Variants in SOX5 observed in about 807,000 individuals in gnomAD.
SOX5 encodes SRY-box transcription factor 5, also known as transcription factor SOX-5.
In SOX5, 9 loss-of-function variants were observed where a neutral mutation model predicts 92.0. The ratio of observed to expected loss-of-function variants is 0.10; its 90% CI spans 0.06 to 0.17. SOX5 has a LOEUF of 0.17. Among genes scored for constraint, SOX5 ranks in the 10% least tolerant of loss-of-function variants. SOX5 has a pLI of 1.00. For missense variants in SOX5, 642 were observed against 944.5 expected (o/e 0.68, Z 4.20); for synonymous variants, 344 against 336.3 (o/e 1.02, Z -0.25).
At chr12:24,467,683 G>A (rs1944374223) in intron 1 of SOX5, among the ~76,000 whole-genome samples, 1 of 152,050 alleles carries the variant, frequency 6.6e-6, no homozygotes, top group African/African-American at 2.4e-5. Flanking sequence ...ATGATGGAGA[G>A]CCACTGAACA....
chr12:24,485,029 A>G (rs1248905025), intron 1 of SOX5, among the ~76,000 whole-genome samples: 6 of 152,226 alleles, frequency 3.9e-5, no homozygotes, highest in African/African-American at 7.2e-5. Flanking sequence ...GGGAGGATTT[A>G]CAAGGTTCGG....
intron 2 of SOX5, among the ~76,000 whole-genome samples, chr12:24,325,530 A>G (rs1053508134): frequency 1.3e-5 from 2 of 152,210 alleles, no homozygotes; most frequent in Admixed American, 1.3e-4. Context: ...GACAACTGCC[A>G]ATAAGATCTC....
At chr12:23,659,379 G>A (rs1051352130) in intron 7 of SOX5, among the ~76,000 whole-genome samples, 2 of 152,284 alleles carry the variant, frequency 1.3e-5, no homozygotes, top group African/African-American at 4.8e-5. Flanking sequence ...CGGAAATACT[G>A]TTCAGAAAAC....
At chr12:23,949,914 G>A (rs1595864190), upstream of SOX5, among the ~76,000 whole-genome samples, 1 of 150,384 alleles carries the variant, frequency 6.6e-6, no homozygotes. Context: ...CACACGCTCC[G>A]GCTGCAAGGC....
chr12:23,655,161 C>T (rs773459723), intron 7 of SOX5, among the ~76,000 whole-genome samples: 5 of 152,064 alleles, frequency 3.3e-5, no homozygotes, highest in African/African-American at 7.2e-5. Context: ...TCTCCTTGCC[C>T]GTAAATTGGA....
At chr12:23,973,162 T>TA (rs778214187) in intron 4 of SOX5, among the ~76,000 whole-genome samples, 57 of 30,018 alleles carry the variant, frequency 1.9e-3, no homozygotes, top group African/African-American at 5.8e-3. Context: ...ACTTTTTTCT[T>TA]TTTTTTTTTT....
chr12:24,086,598 C>A (rs1339416820), intron 4 of SOX5, among the ~76,000 whole-genome samples: 1 of 151,854 alleles, frequency 6.6e-6, no homozygotes, highest in East Asian at 1.9e-4. Context: ...AGAAATGATT[C>A]TCCTGGTACT....
At chr12:23,607,113 C>G (rs760989286) in intron 8 of SOX5, among the ~76,000 whole-genome samples, 5 of 152,298 alleles carry the variant, frequency 3.3e-5, no homozygotes, top group Non-Finnish European at 5.9e-5. Context: ...TTTAGAATTA[C>G]TCTTCTCCAA....
At chr12:24,425,661 A>G (rs985862659) in intron 1 of SOX5, among the ~76,000 whole-genome samples, 8 of 152,226 alleles carry the variant, frequency 5.3e-5, no homozygotes, top group Admixed American at 4.6e-4. Flanking sequence ...ATGTAAAAGA[A>G]CATTTCTGAT....
intron 4 of SOX5, among the ~76,000 whole-genome samples, chr12:23,973,523 A>G (rs1006945495): frequency 3.3e-5 from 5 of 152,126 alleles, no homozygotes; most frequent in Non-Finnish European, 1.5e-5. Context: ...AAAACAGAAT[A>G]CTATACAGCC....
chr12:24,554,813 C>T (rs955261198), intron 1 of SOX5, among the ~76,000 whole-genome samples: 14 of 152,300 alleles, frequency 9.2e-5, no homozygotes, highest in African/African-American at 3.4e-4. Flanking sequence ...CAACCGCCTC[C>T]CCGCCGACTC....
chr12:24,170,190 T>C (rs1370605217), intron 4 of SOX5, among the ~76,000 whole-genome samples: 1 of 124,764 alleles, frequency 8.0e-6, no homozygotes, highest in African/African-American at 2.8e-5. Flanking sequence ...GGAGGAACAT[T>C]GGAAAACACA....
In SOX5 at chr12:24,083,629, A is replaced by G. The variant is rs542843665; in HGVS notation, c.-2+129714T>C. On this transcript the variant is annotated intron_variant, in intron 4 of 4. Transcript: ENST00000446891. ...GGAGGCATCCTGAGTGTAACTTACC[A>G]CAGTTATTGAGTAGCCATCTGAAAA... 7.2e-5 allele frequency among the ~76,000 whole-genome samples: 11 copies of G among 152,154 alleles called. No homozygotes were observed. The East Asian group carries it at 1.9e-3, about 27-fold the overall frequency.
chr12:24,146,996 C>T (rs12825110), intron 4 of SOX5, among the ~76,000 whole-genome samples: 2 of 152,020 alleles, frequency 1.3e-5, no homozygotes, highest in Non-Finnish European at 2.9e-5. Context: ...AAAAACCTTT[C>T]CACAAAGAAA....
At chr12:23,839,754 T>C (rs73263751) in intron 3 of SOX5, among the ~76,000 whole-genome samples, 1 of 151,672 alleles carries the variant, frequency 6.6e-6, no homozygotes, top group East Asian at 1.9e-4. Flanking sequence ...GAAAAATATT[T>C]GACAAATTCT....
intron 1 of SOX5, among the ~76,000 whole-genome samples, chr12:24,442,564 A>G (rs1225954004): frequency 6.6e-6 from 1 of 152,204 alleles, no homozygotes; most frequent in Non-Finnish European, 1.5e-5. Flanking sequence ...TTAAAGTTTA[A>G]AAGTTTTAAG....
At chr12:24,002,092 G>A (rs991182517) in intron 4 of SOX5, among the ~76,000 whole-genome samples, 11 of 152,196 alleles carry the variant, frequency 7.2e-5, no homozygotes, top group African/African-American at 2.6e-4. Context: ...AAGCACTATA[G>A]TAGAAAATAA....
At position 24,126,840 on chromosome 12, in the gene SOX5, ATC is replaced by A. The variant is rs149841760; in HGVS notation, c.-2+86501_-2+86502del. ...GGGGTCACTGAACATGATGGGGGTC[ATC>A]TCACATCCACCTTCACACAAATGTC... On this transcript the variant is annotated intron_variant, in intron 4 of 4. Coordinates refer to the SOX5 transcript ENST00000446891. 6.0e-3 allele frequency among the ~76,000 whole-genome samples: 910 copies of A among 152,154 alleles called. 7 individuals carry two copies. The highest frequency in any genetic ancestry group is 0.032 in the South Asian group (154 of 4,808).
intron 11 of SOX5, among the ~76,000 whole-genome samples, chr12:23,548,696 T>A (rs1591961266): frequency 6.6e-6 from 1 of 151,936 alleles, no homozygotes; most frequent in Admixed American, 6.6e-5. Context: ...GAAACTGATG[T>A]GAGGAGACAA....
Sources: allele counts gnomAD v4.1 joint callset (sites outside exome capture counted in the v4.1 genomes callset), GRCh38; gene constraint gnomAD v4.1.1; transcripts MANE v1.5; gene names NCBI Gene and HGNC (gene_info 2026-07-23, HGNC 2026-07-21).